The following MTDH variants were observed in gnomAD, a reference collection of about 807,000 sequenced individuals.
MTDH encodes the protein metadherin, also known as protein LYRIC.
Under a neutral mutation model 72.7 loss-of-function variants are expected in MTDH, and 34 were observed. The ratio of observed to expected loss-of-function variants is 0.47; its 90% confidence interval spans 0.36 to 0.62. MTDH has a LOEUF of 0.62. Ranked by LOEUF, MTDH falls within the 20% of genes least tolerant of loss-of-function variation. The probability of loss-of-function intolerance (pLI) is 0.00; values close to 1 mark genes in which losing one functional copy is unlikely to be tolerated. For missense variants in MTDH, 677 were observed against 699.4 expected (o/e 0.97, Z 0.36); for synonymous variants, 266 against 268.9 (o/e 0.99, Z 0.10).
At chr8:97,722,745 A>C in intron 10 of MTDH, 134 bp from the exon 11 acceptor site, 1 of 706,972 alleles carries the variant, frequency 1.4e-6, no homozygotes, top group Non-Finnish European at 2.2e-6. Context: ...GAGGGCAGGT[A>C]TGAGTTACAT....
At chr8:97,660,712 G>C (rs555833205) in intron 1 of MTDH, among the ~76,000 whole-genome samples, 4 of 152,160 alleles carry the variant, frequency 2.6e-5, no homozygotes, top group Admixed American at 2.6e-4. Context: ...GTAGAAATAA[G>C]GCTCGGAGAC....
intron 8 of MTDH, 23 bp downstream of exon 8, chr8:97,706,773 T>C (rs1814372490): frequency 6.2e-7 from 1 of 1,603,162 alleles, no homozygotes. Context: ...GATTCCTGGG[T>C]GTTTATTTGT....
rs747277588 is a variant in MTDH at position 97,687,567 on chromosome 8, C to A, written c.707C>A (p.Thr236Lys). ...NTITVTTEQL[T>K]TASFPVGSKK... The stretch of plus-strand genomic sequence containing the variant: ...ATCACAGTTACCACCGAGCAACTTA[C>A]AACCGCATCATTTCCTGTTGGTTCC... The change falls in exon 4 of 12, where the codon ACA becomes AAA. Residue 236 changes from threonine (T) to lysine (K), a missense_variant. This residue lies in a region of MTDH where 467 missense variants were observed against 469.1 expected (regional missense o/e 1.00). Transcript: ENST00000336273. The A allele has an allele frequency of 4.3e-6, 7 of 1,611,320 alleles. No homozygotes were observed. The highest frequency in any genetic ancestry group is 1.3e-5 in the African/African-American group (1 of 74,722).
chr8:97,699,625 A>T (rs2131031607), intron 6 of MTDH, 129 bp from the exon 7 acceptor site: 1 of 573,264 alleles, frequency 1.7e-6, no homozygotes, highest in South Asian at 2.3e-5. Context: ...TCTTTTTCTA[A>T]TGTCTGAATT....
rs537282347 is a variant in MTDH at position 97,718,262 on chromosome 8, C to G, written c.1381-787C>G. On this transcript the variant is annotated intron_variant, in intron 9 of 11. Transcript: ENST00000336273. ...TTCACCATGTTGGCCAGGCTGGTCT[C>G]GAACTCCTGACCTCAGGTGATCTGC... Among the ~76,000 whole-genome samples the G allele has an allele frequency of 4.9e-3, 725 of 148,866 alleles. 5 individuals carry two copies. Among genetic ancestry groups the G allele is most frequent in the Middle Eastern group, 0.046 (12 of 262 alleles).
chr8:97,691,149 G>C lies in MTDH; in HGVS notation c.1009G>C (p.Gly337Arg). The part of the protein sequence containing the change: ...GDANTNGKDW[G>R]RSWSDRSIFS... ...TGCTAATACAAATGGAAAAGACTGG[G>C]GAAGGAGTTGGAGTGACCGTTCAAT... The change falls in exon 6 of 12, where the codon GGA (glycine) becomes CGA (arginine). Residue 337 changes from glycine (G) to arginine (R), a missense_variant. Coordinates refer to ENST00000336273, the MANE Select transcript of MTDH (RefSeq NM_178812.4). 1 of 1,613,750 alleles carries C rather than the reference G, an allele frequency of 6.2e-7. No individual in the cohort carries two copies. The highest frequency in any genetic ancestry group is 8.5e-7 in the Non-Finnish European group (1 of 1,179,786).
At chr8:97,672,180 G>A (rs1056142021) in intron 2 of MTDH, among the ~76,000 whole-genome samples, 8 of 152,156 alleles carry the variant, frequency 5.3e-5, no homozygotes, top group African/African-American at 1.9e-4. Flanking sequence ...TGGAAACACA[G>A]CCACACTTAT....
At chr8:97,645,430 G>C (rs1220306034) in intron 1 of MTDH, among the ~76,000 whole-genome samples, 1 of 152,220 alleles carries the variant, frequency 6.6e-6, no homozygotes, top group Non-Finnish European at 1.5e-5. Flanking sequence ...CTGTTAAAGG[G>C]AAATGGTTGC....
chr8:97,646,557 T>C (rs372319028), intron 1 of MTDH, among the ~76,000 whole-genome samples: 1 of 152,154 alleles, frequency 6.6e-6, no homozygotes, highest in African/African-American at 2.4e-5. Context: ...TTGGGACATC[T>C]AGAAATTTCA....
chr8:97,682,280 ATTTTTTTTTTTTTTTTTTTTTT>A (rs1175139487), intron 2 of MTDH, among the ~76,000 whole-genome samples: 2 of 3,630 alleles, frequency 5.5e-4, no homozygotes, highest in Non-Finnish European at 1.1e-3. Flanking sequence ...ATATATATAT[ATTTTTTTTTTTTTTTTTTTTTT>A]TTTTTTTTTT....
intron 2 of MTDH, among the ~76,000 whole-genome samples, chr8:97,671,969 A>G (rs1334889946): frequency 1.3e-5 from 2 of 152,244 alleles, no homozygotes; most frequent in Admixed American, 6.5e-5. Context: ...GTCAAAAACA[A>G]AATAATTTTG....
intron 1 of MTDH, among the ~76,000 whole-genome samples, chr8:97,649,488 G>C (rs186527957): frequency 6.6e-6 from 1 of 152,116 alleles, no homozygotes; most frequent in Non-Finnish European, 1.5e-5. Flanking sequence ...CATGGCACTC[G>C]AGTCTCTTCA....
chr8:97,667,831 T>TA (rs542822923), intron 2 of MTDH, among the ~76,000 whole-genome samples: 26,391 of 116,070 alleles, frequency 0.23, 2,896 homozygotes, highest in Middle Eastern at 0.31. Context: ...GTCTCTATAT[T>TA]AAAAAAAAAA....
At chr8:97,656,475 G>A (rs1203026785) in intron 1 of MTDH, among the ~76,000 whole-genome samples, 2 of 151,168 alleles carry the variant, frequency 1.3e-5, no homozygotes, top group Non-Finnish European at 3.0e-5. Context: ...GCTAATTTTT[G>A]TATTTTTAGT....
At chr8:97,668,080 G>A (rs965581259) in intron 2 of MTDH, among the ~76,000 whole-genome samples, 15 of 152,122 alleles carry the variant, frequency 9.9e-5, no homozygotes, top group Non-Finnish European at 1.9e-4. Context: ...AAGGTCAGGA[G>A]ATCAAGACCA....
chr8:97,671,147 A>G (rs1051770580), intron 2 of MTDH, among the ~76,000 whole-genome samples: 9 of 151,876 alleles, frequency 5.9e-5, no homozygotes, highest in South Asian at 2.1e-4. Context: ...TTGTATTTTT[A>G]GTAGAGACGG....
chr8:97,701,384 G>T (rs1409208700), intron 7 of MTDH, among the ~76,000 whole-genome samples: 16 of 152,010 alleles, frequency 1.1e-4, no homozygotes. Flanking sequence ...AGTGTAAATA[G>T]TTGTTATACT....
At chr8:97,651,487 T>C (rs957711066) in intron 1 of MTDH, among the ~76,000 whole-genome samples, 3 of 152,288 alleles carry the variant, frequency 2.0e-5, no homozygotes, top group Admixed American at 1.3e-4. Flanking sequence ...AGGATACTTA[T>C]TTACAGTGAT....
intron 7 of MTDH, among the ~76,000 whole-genome samples, chr8:97,700,877 A>G (rs1335104026): frequency 1.3e-5 from 2 of 152,160 alleles, no homozygotes; most frequent in African/African-American, 4.8e-5. Context: ...AGTAATCATC[A>G]AGGTAAGCTG....
Sources: allele counts gnomAD v4.1 joint callset (sites outside exome capture counted in the v4.1 genomes callset), GRCh38; gene constraint gnomAD v4.1.1; regional missense constraint gnomAD v4.1.1; transcripts MANE v1.5; gene names NCBI Gene and HGNC (gene_info 2026-07-23, HGNC 2026-07-21).